The following SAMD4A variants were observed in gnomAD, a reference collection of about 807,000 sequenced individuals.
SAMD4A encodes the protein sterile alpha motif domain containing 4A.
A neutral mutation model predicts 81.3 loss-of-function variants in SAMD4A; 33 were observed. That is an observed-to-expected ratio of 0.41 (90% confidence interval 0.31 to 0.54). The LOEUF (loss-of-function observed/expected upper bound fraction) is 0.54, where lower values mean the gene tolerates loss of function less well. Ranked by LOEUF, SAMD4A falls within the 20% of genes least tolerant of loss-of-function variation. SAMD4A has a pLI of 0.37. For missense variants in SAMD4A, 854 were observed against 951.1 expected (o/e 0.90, Z 1.34); for synonymous variants, 389 against 382.1 (o/e 1.02, Z -0.21).
Position 54,688,064 on chromosome 14 carries a change from T to C in SAMD4A, c.197-13998T>C, listed in dbSNP as rs868291892. The C allele has an allele frequency of 1.4e-4, 140 of 985,560 alleles. 1 individual carries two copies. Among genetic ancestry groups the C allele is most frequent in the Non-Finnish European group, 7.8e-5 (65 of 830,150 alleles). 61.1% of individuals were successfully genotyped at this position (985,560 alleles called of 1,614,324 possible). A position where few individuals can be genotyped will look rare whatever the true frequency, so the allele number is the denominator to read the frequency against. ...AGGGAGGAGATGGAGCAATCTCTTA[T>C]GTGATCATTCCATCAACTCACAAAT... On this transcript the variant is annotated intron_variant, in intron 2 of 12. Coordinates refer to ENST00000554335, the MANE Select transcript of SAMD4A (RefSeq NM_015589.6).
chr14:54,601,936 T>G (rs1434464772), intron 2 of SAMD4A, among the ~76,000 whole-genome samples: 1 of 152,126 alleles, frequency 6.6e-6, no homozygotes, highest in African/African-American at 2.4e-5. Context: ...TGCTAAGTCC[T>G]TAGAGAAAGA....
intron 9 of SAMD4A, 119 bp from the exon 10 acceptor site, chr14:54,774,813 CAA>C (rs546617416): frequency 0.25 from 150,156 of 612,850 alleles, 3,548 homozygotes; most frequent in East Asian, 0.31. Context: ...GACCCTGACT[CAA>C]AAAAAAAAAA....
chr14:54,743,596 C>G (rs895665617), intron 4 of SAMD4A, among the ~76,000 whole-genome samples: 1 of 152,206 alleles, frequency 6.6e-6, no homozygotes, highest in African/African-American at 2.4e-5. Context: ...ACAGCACTTT[C>G]GCCTGTCATC....
chr14:54,733,663 C>T (rs2037615374), intron 3 of SAMD4A, among the ~76,000 whole-genome samples: 1 of 152,098 alleles, frequency 6.6e-6, no homozygotes, highest in Admixed American at 6.6e-5. Flanking sequence ...AATAGGACTT[C>T]TGGGTAGCTG....
Position 54,751,445 on chromosome 14 carries a change from T to C in SAMD4A, c.1090-6T>C. 1 of 1,526,394 alleles carries C rather than the reference T, an allele frequency of 6.6e-7. No homozygotes were observed. The highest frequency in any genetic ancestry group is 9.0e-7 in the Non-Finnish European group (1 of 1,111,656). The allele number at this position is 1,526,394 out of a possible 1,614,324, so 94.6% of individuals were successfully genotyped here. A position where few individuals can be genotyped will look rare whatever the true frequency, so the allele number is the denominator to read the frequency against. On this transcript the variant is annotated splice_polypyrimidine_tract_variant and splice_region_variant and intron_variant, in intron 5 of 12. Transcript: ENST00000554335. ...CATTTAAATGTAACTTGTTATTTAA[T>C]TACAGAATGTTACCAAAGGTGCAAG... is the stretch of plus-strand genomic sequence containing the variant.
At chr14:54,771,829 G>GCCTCTGTCAGCCCTGTGTTGTCA (rs1159423031) in intron 9 of SAMD4A, among the ~76,000 whole-genome samples, 2 of 152,170 alleles carry the variant, frequency 1.3e-5, no homozygotes. Context: ...TCCCACCCTG[G>GCCTCTGTCAGCCCTGTGTTGTCA]CCTCTGTCAG....
In SAMD4A at chr14:54,775,072, A is replaced by C. The variant is rs762083235; in HGVS notation, c.1854A>C (p.Gly618=). ...GCCTGGGCCTCTTGGGCACCAGTGGATTCGTCAGCTCCAACCAGCGCAACA... is the reference window on the plus strand; with the variant it reads ...GCCTGGGCCTCTTGGGCACCAGTGGCTTCGTCAGCTCCAACCAGCGCAACA... ...SARLGLLGTS[G]FVSSNQRNTT... Residue 618 remains glycine (G), a synonymous_variant, in exon 10 of 13, where the codon GGA becomes GGC. Transcript: ENST00000554335. 4 of 1,613,966 alleles carry C rather than the reference A, an allele frequency of 2.5e-6. No individual in the cohort carries two copies. Among genetic ancestry groups the C allele is most frequent in the Non-Finnish European group, 3.4e-6 (4 of 1,180,012 alleles).
At chr14:54,584,245 C>G (rs1187587) in intron 2 of SAMD4A, among the ~76,000 whole-genome samples, 1 of 151,938 alleles carries the variant, frequency 6.6e-6, no homozygotes, top group East Asian at 1.9e-4. Context: ...AATTATGTGC[C>G]AGACTGACTT....
At position 54,789,049 on chromosome 14, in the gene SAMD4A, CT is replaced by C; in HGVS notation, c.*111del. 45 of 1,308,660 alleles carry C rather than the reference CT, an allele frequency of 3.4e-5. No homozygotes were observed. The highest frequency in any genetic ancestry group is 5.8e-5 in the African/African-American group (4 of 68,642). The allele number at this position is 1,308,660 out of a possible 1,614,324, so 81.1% of individuals were successfully genotyped here. Reference sequence around the variant, plus strand: ...AGAATCCTCCAAGATACTTTGCAGCCTTTTTTCCCCCTGGTCCCTCTCCCGT... The same window carrying C: ...AGAATCCTCCAAGATACTTTGCAGCCTTTTTCCCCCTGGTCCCTCTCCCGT... On this transcript the variant is annotated 3_prime_UTR_variant, in exon 13 of 13. Coordinates refer to ENST00000554335, the MANE Select transcript of SAMD4A (RefSeq NM_015589.6).
At chr14:54,586,402 C>G (rs905118174) in intron 2 of SAMD4A, among the ~76,000 whole-genome samples, 4 of 152,160 alleles carry the variant, frequency 2.6e-5, no homozygotes, top group Admixed American at 6.6e-5. Context: ...CTGATTATTT[C>G]TTTTGCTGTG....
intron 2 of SAMD4A, among the ~76,000 whole-genome samples, chr14:54,632,232 A>G (rs1261284168): frequency 1.3e-5 from 2 of 152,242 alleles, no homozygotes; most frequent in African/African-American, 4.8e-5. Flanking sequence ...AAAAAAATGC[A>G]AACGATTATA....
At chr14:54,591,113 A>G (rs911883943) in intron 2 of SAMD4A, among the ~76,000 whole-genome samples, 1 of 152,154 alleles carries the variant, frequency 6.6e-6, no homozygotes, top group Non-Finnish European at 1.5e-5. Context: ...ATTGGCTTTT[A>G]GCACAGAATG....
intron 3 of SAMD4A, among the ~76,000 whole-genome samples, chr14:54,727,166 C>CTTTCTTTTTTT (rs2037438085): frequency 1.7e-5 from 1 of 59,146 alleles, no homozygotes; most frequent in Non-Finnish European, 3.4e-5. Context: ...TCTTTTTTTC[C>CTTTCTTTTTTT]TTTTTTTTTT....
intron 11 of SAMD4A, chr14:54,784,333 G>T (rs1183438249): frequency 1.6e-5 from 25 of 1,550,994 alleles, no homozygotes; most frequent in Non-Finnish European, 2.1e-5. Context: ...TCTCCGTTTT[G>T]TTCCAGGTTC....
At chr14:54,627,654 C>T (rs376046832) in intron 2 of SAMD4A, among the ~76,000 whole-genome samples, 8 of 152,200 alleles carry the variant, frequency 5.3e-5, no homozygotes, top group African/African-American at 1.4e-4. Context: ...TGAGGTCTTT[C>T]GGTTACCAGG....
chr14:54,724,982 C>A (rs1272999058), intron 3 of SAMD4A, among the ~76,000 whole-genome samples: 1 of 152,140 alleles, frequency 6.6e-6, no homozygotes, highest in Non-Finnish European at 1.5e-5. Context: ...CTAGGAGGGG[C>A]TGAGAGACCA....
chr14:54,701,349 A>G lies in SAMD4A; in HGVS notation c.197-713A>G, dbSNP rs562785929. Among the ~76,000 whole-genome samples, 5 of 152,276 alleles carry G rather than the reference A, an allele frequency of 3.3e-5. No homozygotes were observed. The East Asian group carries it at 9.7e-4, about 29-fold the overall frequency. On this transcript the variant is annotated intron_variant, in intron 2 of 12. Coordinates refer to ENST00000554335, the MANE Select transcript of SAMD4A (RefSeq NM_015589.6). ...GAACATCCACTTAAATATGATTAAA[A>G]TGATCAATGTTATGTGTATTTTACC... is the stretch of plus-strand genomic sequence containing the variant.
At position 54,770,137 on chromosome 14, in the gene SAMD4A, T is replaced by C; in HGVS notation, c.1630T>C (p.Ser544Pro). 1 of 1,614,158 alleles carries C rather than the reference T, an allele frequency of 6.2e-7. No homozygotes were observed. Among genetic ancestry groups the C allele is most frequent in the Non-Finnish European group, 8.5e-7 (1 of 1,179,982 alleles). The change falls in exon 9 of 13, where the codon TCA becomes CCA. Residue 544 changes from serine (S) to proline (P), a missense_variant. Transcript: ENST00000554335. ...AGAGACACAGAAAAAAAGATTGTTG[T>C]CATGGAAACAGCAGGTGCAGAAGCT... ...FTETQKKRLLSWKQQVQKLFR... is the reference protein window; with the variant it reads ...FTETQKKRLLPWKQQVQKLFR...
chr14:54,645,871 G>GT (rs1327311571), intron 2 of SAMD4A, among the ~76,000 whole-genome samples: 2 of 152,142 alleles, frequency 1.3e-5, no homozygotes, highest in African/African-American at 4.8e-5. Flanking sequence ...TTTCCTTGCC[G>GT]TTTTTTATAT....
Sources: allele counts gnomAD v4.1 joint callset (sites outside exome capture counted in the v4.1 genomes callset), GRCh38; gene constraint gnomAD v4.1.1; transcripts MANE v1.5; gene names NCBI Gene and HGNC (gene_info 2026-07-23, HGNC 2026-07-21).